Variants in ARHGAP15 observed in about 807,000 individuals in gnomAD.
ARHGAP15 encodes Rho GTPase activating protein 15, also known as rho GTPase-activating protein 15.
Under a neutral mutation model 63.7 loss-of-function variants are expected in ARHGAP15, and 51 were observed. The ratio of observed to expected loss-of-function variants is 0.80; its 90% CI spans 0.64 to 1.01. ARHGAP15 has a LOEUF of 1.01. Ranked by LOEUF, ARHGAP15 falls within the 50% of genes least tolerant of loss-of-function variation. ARHGAP15 has a pLI of 0.00. For synonymous variants in ARHGAP15, 191 were observed against 193.8 expected (o/e 0.99, Z 0.12); for missense variants, 560 against 564.6 (o/e 0.99, Z 0.08).
At chr2:143,642,754 C>A (rs575998250) in intron 12 of ARHGAP15, among the ~76,000 whole-genome samples, 1 of 152,156 alleles carries the variant, frequency 6.6e-6, no homozygotes, top group South Asian at 2.1e-4. Context: ...TTTGGGAGGC[C>A]TTCATGAAGG....
chr2:143,507,785 T>C (rs1693388999), intron 9 of ARHGAP15, among the ~76,000 whole-genome samples: 1 of 152,194 alleles, frequency 6.6e-6, no homozygotes. Context: ...ATGTGCCACC[T>C]GGGATCACCC....
At chr2:143,346,254 A>ACACT (rs1685294878) in intron 6 of ARHGAP15, among the ~76,000 whole-genome samples, 6 of 135,374 alleles carry the variant, frequency 4.4e-5, no homozygotes, top group Non-Finnish European at 1.0e-4. Flanking sequence ...ACACACTCAC[A>ACACT]CACACACACA....
At chr2:143,653,758 G>A (rs1681291481) in intron 12 of ARHGAP15, among the ~76,000 whole-genome samples, 1 of 152,148 alleles carries the variant, frequency 6.6e-6, no homozygotes, top group South Asian at 2.1e-4. Flanking sequence ...TGTTTGTATA[G>A]TCTGGGATGA....
chr2:143,441,914 G>A (rs1044854877), intron 8 of ARHGAP15, among the ~76,000 whole-genome samples: 5 of 151,930 alleles, frequency 3.3e-5, no homozygotes, highest in Admixed American at 6.6e-5. Context: ...GTGCAATAAG[G>A]GTATATGTAA....
chr2:143,320,202 C>T (rs1437926810), intron 6 of ARHGAP15, among the ~76,000 whole-genome samples: 3 of 152,138 alleles, frequency 2.0e-5, no homozygotes, highest in African/African-American at 7.2e-5. Flanking sequence ...GATTCTTTAG[C>T]TGCATCAATT....
intron 12 of ARHGAP15, among the ~76,000 whole-genome samples, chr2:143,695,524 G>A (rs1683803714): frequency 6.6e-6 from 1 of 152,136 alleles, no homozygotes; most frequent in South Asian, 2.1e-4. Context: ...TTAGTCTGAG[G>A]AAATGTTATC....
intron 12 of ARHGAP15, among the ~76,000 whole-genome samples, chr2:143,661,415 G>C (rs1681766129): frequency 6.6e-6 from 1 of 152,130 alleles, no homozygotes. Flanking sequence ...ATAAAACAAA[G>C]AATGTTCAAT....
chr2:143,422,681 A>G (rs137962835), intron 6 of ARHGAP15, among the ~76,000 whole-genome samples: 15 of 152,272 alleles, frequency 9.9e-5, no homozygotes, highest in African/African-American at 3.4e-4. Flanking sequence ...TTTCTTGATT[A>G]CATGTGTAAC....
chr2:143,378,970 T>A (rs1016946155), intron 6 of ARHGAP15, among the ~76,000 whole-genome samples: 25 of 152,030 alleles, frequency 1.6e-4, no homozygotes, highest in African/African-American at 4.1e-4. Flanking sequence ...AGGTTTTTTT[T>A]AATTATTTTT....
rs1692753119 is a variant in ARHGAP15 at position 143,216,280 on chromosome 2, TG to T, written c.235-103del. Reference sequence around the variant, plus strand: ...TGCATTATTAATAAAGTTCTATGACTGAAAACTTCCGTCACTGCAATGACTC... The same window carrying T: ...TGCATTATTAATAAAGTTCTATGACTAAAACTTCCGTCACTGCAATGACTC... On this transcript the variant is annotated intron_variant, in intron 3 of 13. Transcript: ENST00000295095. The T allele has an allele frequency of 1.2e-5, 10 of 846,082 alleles. No individual in the cohort carries two copies. The South Asian group carries it at 1.7e-4, about 15-fold the overall frequency. 52.4% of individuals were successfully genotyped at this position (846,082 alleles called of 1,614,324 possible).
intron 12 of ARHGAP15, among the ~76,000 whole-genome samples, chr2:143,645,960 G>A (rs1328564965): frequency 6.6e-6 from 1 of 152,082 alleles, no homozygotes; most frequent in Non-Finnish European, 1.5e-5. Context: ...GAAGTGGTTT[G>A]TCCAGAGCCT....
At chr2:143,389,106 CATTATTATT>C (rs10548238) in intron 6 of ARHGAP15, among the ~76,000 whole-genome samples, 15 of 146,062 alleles carry the variant, frequency 1.0e-4, no homozygotes, top group East Asian at 4.0e-4. Flanking sequence ...TTTACTCAGA[CATTATTATT>C]ATTATTATTA....
intron 12 of ARHGAP15, among the ~76,000 whole-genome samples, chr2:143,645,951 A>G (rs1468190501): frequency 6.6e-6 from 1 of 152,112 alleles, no homozygotes; most frequent in African/African-American, 2.4e-5. Flanking sequence ...AAAACACATG[A>G]AGTGGTTTGT....
chr2:143,686,623 A>G (rs1368393300), intron 12 of ARHGAP15, among the ~76,000 whole-genome samples: 3 of 152,174 alleles, frequency 2.0e-5, no homozygotes, highest in Non-Finnish European at 4.4e-5. Flanking sequence ...TATTGTGAAA[A>G]TGGTATAAAT....
intron 11 of ARHGAP15, among the ~76,000 whole-genome samples, chr2:143,602,479 T>G (rs1339988737): frequency 1.3e-5 from 2 of 152,126 alleles, no homozygotes; most frequent in Non-Finnish European, 1.5e-5. Flanking sequence ...TTTTTGTTGT[T>G]GTTGTTTTTG....
intron 12 of ARHGAP15, among the ~76,000 whole-genome samples, chr2:143,651,881 A>AC (rs529551291): frequency 6.6e-6 from 1 of 151,998 alleles, no homozygotes; most frequent in Non-Finnish European, 1.5e-5. Context: ...GTCTATTAAA[A>AC]TATTTTGCCC....
chr2:143,469,453 C>T (rs1217028094), intron 8 of ARHGAP15, among the ~76,000 whole-genome samples: 2 of 152,188 alleles, frequency 1.3e-5, no homozygotes, highest in African/African-American at 2.4e-5. Flanking sequence ...GTGAGCCTAT[C>T]GCTGAGTCAG....
At chr2:143,346,250 T>TCTCA (rs1553467345) in intron 6 of ARHGAP15, among the ~76,000 whole-genome samples, 47 of 138,750 alleles carry the variant, frequency 3.4e-4, no homozygotes, top group African/African-American at 1.1e-3. Context: ...ACACACACAC[T>TCTCA]CACACACACA....
chr2:143,637,083 T>C (rs781657459), intron 12 of ARHGAP15, among the ~76,000 whole-genome samples: 6 of 144,920 alleles, frequency 4.1e-5, no homozygotes, highest in Non-Finnish European at 7.7e-5. Context: ...CCCACCCTCA[T>C]GACCCTATCT....
Sources: allele counts gnomAD v4.1 joint callset (sites outside exome capture counted in the v4.1 genomes callset), GRCh38; gene constraint gnomAD v4.1.1; transcripts MANE v1.5; gene names NCBI Gene and HGNC (gene_info 2026-07-23, HGNC 2026-07-21).